NKAIN2: variants seen among roughly 807,000 people sequenced by gnomAD.
NKAIN2 encodes the protein sodium/potassium-transporting ATPase subunit beta-1-interacting protein 2.
NKAIN2 carries 14 observed loss-of-function variants against 32.6 expected under a neutral mutation model. The observed-to-expected ratio is 0.43, with a 90% confidence interval of 0.28 to 0.67. The LOEUF (loss-of-function observed/expected upper bound fraction) is 0.67. Among genes scored for constraint, NKAIN2 ranks in the 30% least tolerant of loss-of-function variants. The pLI, the probability that NKAIN2 is intolerant of heterozygous loss-of-function variation, is 0.17. For synonymous variants in NKAIN2, 80 were observed against 87.2 expected, an observed-to-expected ratio of 0.92 and a Z score of 0.46; for missense variants, 198 against 258.3, an observed-to-expected ratio of 0.77 and a Z score of 1.60.
chr6:123,965,647 C>G (rs985071324), intron 1 of NKAIN2, among the ~76,000 whole-genome samples: 2 of 152,122 alleles, frequency 1.3e-5, no homozygotes, highest in African/African-American at 4.8e-5. Context: ...CATCTTGGAC[C>G]TTTTGTTTAT....
At chr6:124,226,846 T>C (rs1792138906) in intron 1 of NKAIN2, among the ~76,000 whole-genome samples, 1 of 152,116 alleles carries the variant, frequency 6.6e-6, no homozygotes, top group African/African-American at 2.4e-5. Context: ...TTCAATTTTA[T>C]TTATTGTTCA....
chr6:124,811,336 T>C (rs367816279), intron 5 of NKAIN2, among the ~76,000 whole-genome samples: 11 of 152,170 alleles, frequency 7.2e-5, no homozygotes, highest in Admixed American at 4.6e-4. Flanking sequence ...AGTGGCTTTG[T>C]CATTAATAAC....
intron 1 of NKAIN2, among the ~76,000 whole-genome samples, chr6:124,201,118 A>G (rs1358842822): frequency 6.6e-6 from 1 of 152,086 alleles, no homozygotes; most frequent in Non-Finnish European, 1.5e-5. Flanking sequence ...CTGTAAACAT[A>G]AAACAAAAAA....
chr6:124,206,163 A>T (rs1451410266), intron 1 of NKAIN2, among the ~76,000 whole-genome samples: 1 of 151,930 alleles, frequency 6.6e-6, no homozygotes, highest in African/African-American at 2.4e-5. Context: ...GTAGCCATCA[A>T]GTGTAATTTT....
At chr6:124,324,012 C>T (rs1436533391) in intron 2 of NKAIN2, among the ~76,000 whole-genome samples, 2 of 151,862 alleles carry the variant, frequency 1.3e-5, no homozygotes, top group Non-Finnish European at 2.9e-5. Flanking sequence ...AGGATGGTCT[C>T]GATCTCCTGA....
At chr6:124,176,943 C>G (rs1789186186) in intron 1 of NKAIN2, among the ~76,000 whole-genome samples, 1 of 151,862 alleles carries the variant, frequency 6.6e-6, no homozygotes, top group African/African-American at 2.4e-5. Context: ...AAAGTCTTTC[C>G]TAGTATGACT....
chr6:124,209,042 G>A (rs955622114), intron 1 of NKAIN2, among the ~76,000 whole-genome samples: 1 of 149,160 alleles, frequency 6.7e-6, no homozygotes, highest in Admixed American at 6.8e-5. Context: ...CCTTATTTTG[G>A]TACTGAATAC....
At chr6:124,016,333 T>C (rs1368612893) in intron 1 of NKAIN2, among the ~76,000 whole-genome samples, 1 of 152,198 alleles carries the variant, frequency 6.6e-6, no homozygotes, top group African/African-American at 2.4e-5. Flanking sequence ...AATATAATAA[T>C]TTAAATTGCC....
intron 1 of NKAIN2, among the ~76,000 whole-genome samples, chr6:124,031,342 A>T (rs1299634159): frequency 6.6e-6 from 1 of 151,504 alleles, no homozygotes; most frequent in Non-Finnish European, 1.5e-5. Flanking sequence ...CATTTTGTTG[A>T]TCTTTTCAAA....
intron 2 of NKAIN2, among the ~76,000 whole-genome samples, chr6:124,306,708 G>A (rs566828752): frequency 6.6e-6 from 1 of 152,210 alleles, no homozygotes; most frequent in African/African-American, 2.4e-5. Flanking sequence ...ACTATTTGAA[G>A]TATACAATAA....
At chr6:124,392,114 AT>A (rs1174313999) in intron 3 of NKAIN2, among the ~76,000 whole-genome samples, 2 of 152,066 alleles carry the variant, frequency 1.3e-5, no homozygotes, top group African/African-American at 2.4e-5. Context: ...ACTATTATAT[AT>A]TTTTTTCCTG....
intron 1 of NKAIN2, among the ~76,000 whole-genome samples, chr6:124,219,291 T>G (rs1013718807): frequency 6.6e-6 from 1 of 151,638 alleles, no homozygotes; most frequent in African/African-American, 2.4e-5. Context: ...TTCTTTTTTT[T>G]TTTTGAGACA....
chr6:124,543,454 A>C (rs1779980560), intron 3 of NKAIN2, among the ~76,000 whole-genome samples: 1 of 152,188 alleles, frequency 6.6e-6, no homozygotes, highest in Non-Finnish European at 1.5e-5. Flanking sequence ...ATAACTTCTA[A>C]ACAAAACACA....
At position 124,749,112 on chromosome 6, in the gene NKAIN2, C is replaced by T. The variant is rs115730050; in HGVS notation, c.475-42227C>T. Among the ~76,000 whole-genome samples the T allele has an allele frequency of 4.6e-3, 693 of 151,878 alleles. 4 individuals are homozygous for T. The highest frequency in any genetic ancestry group is 0.016 in the African/African-American group (675 of 41,480). ...TTCTTTGAGGTTGTGTCACTGAGTC[C>T]TCATTTCCTTGCTATCAACTGAGGG... On this transcript the variant is annotated intron_variant, in intron 4 of 6. Coordinates refer to ENST00000368417, the MANE Select transcript of NKAIN2 (RefSeq NM_001040214.3).
At chr6:124,320,842 C>G (rs1797147605) in intron 2 of NKAIN2, among the ~76,000 whole-genome samples, 1 of 152,124 alleles carries the variant, frequency 6.6e-6, no homozygotes, top group Non-Finnish European at 1.5e-5. Context: ...TGTGGGTTCT[C>G]AAGCAGCTAA....
At chr6:124,507,780 C>T (rs950587849) in intron 3 of NKAIN2, among the ~76,000 whole-genome samples, 1 of 151,850 alleles carries the variant, frequency 6.6e-6, no homozygotes, top group African/African-American at 2.4e-5. Context: ...CTGTTGAGTC[C>T]CTGCATTCAG....
chr6:124,228,015 CT>C (rs1230313929), intron 1 of NKAIN2, among the ~76,000 whole-genome samples: 1 of 152,146 alleles, frequency 6.6e-6, no homozygotes, highest in Non-Finnish European at 1.5e-5. Flanking sequence ...GTAACACTTT[CT>C]TGCTATATTC....
rs527508519 is a variant in NKAIN2, at chr6:124,315,933, T to C, written c.192+32791T>C. Among the ~76,000 whole-genome samples the C allele has an allele frequency of 1.4e-4, 22 of 152,216 alleles. No homozygotes were observed. The East Asian group carries it at 3.1e-3, about 21-fold the overall frequency. ...GATGGGTCAAGTTAAAATGTTCTTATGACAAGATGGGTGAATCTTTTTCCT... is the reference window on the plus strand; with the variant it reads ...GATGGGTCAAGTTAAAATGTTCTTACGACAAGATGGGTGAATCTTTTTCCT... On this transcript the variant is annotated intron_variant, in intron 2 of 6. Coordinates refer to ENST00000368417, the MANE Select transcript of NKAIN2 (RefSeq NM_001040214.3).
In NKAIN2 at chr6:124,715,699, C is replaced by T. The variant is rs898490844; in HGVS notation, c.474+57313C>T. 2.0e-5 allele frequency among the ~76,000 whole-genome samples: 3 copies of T among 152,336 alleles called. No homozygotes were observed. In the South Asian group the frequency reaches 6.2e-4, roughly 32 times the overall value. On this transcript the variant is annotated intron_variant, in intron 4 of 6. Transcript: ENST00000368417. ...GGACCATCCCATAAATTCCTGCCCC[C>T]TGTCACTGCCTCTGCCCAACTCCAC...
Sources: allele counts gnomAD v4.1 joint callset (sites outside exome capture counted in the v4.1 genomes callset), GRCh38; gene constraint gnomAD v4.1.1; transcripts MANE v1.5; gene names NCBI Gene and HGNC (gene_info 2026-07-23, HGNC 2026-07-21).